MGAT5: variants seen among roughly 807,000 people sequenced by gnomAD.
MGAT5 encodes the protein alpha-1,6-mannosylglycoprotein 6-beta-N-acetylglucosaminyltransferase A.
A neutral mutation model predicts 94.3 loss-of-function variants in MGAT5; 30 were observed. The ratio of observed to expected loss-of-function variants is 0.32; its 90% CI spans 0.24 to 0.43. MGAT5 has a LOEUF of 0.43. Ranked by LOEUF, MGAT5 falls within the 20% of genes least tolerant of loss-of-function variation. The pLI is 1.00. For missense variants in MGAT5, 691 were observed against 905.5 expected, an observed-to-expected ratio of 0.76 and a Z score of 3.04; for synonymous variants, 310 against 322.9, an observed-to-expected ratio of 0.96 and a Z score of 0.43.
intron 14 of MGAT5, among the ~76,000 whole-genome samples, chr2:134,439,784 C>T (rs535409177): frequency 6.6e-6 from 1 of 152,288 alleles, no homozygotes; most frequent in South Asian, 2.1e-4. Context: ...TCTGGGCCAG[C>T]CCCTCTTCTG....
chr2:134,157,850 A>G (rs1687547726), intron 1 of MGAT5, among the ~76,000 whole-genome samples: 1 of 152,116 alleles, frequency 6.6e-6, no homozygotes, highest in South Asian at 2.1e-4. Flanking sequence ...GAGGGTGAGC[A>G]AGGCAGAGAG....
chr2:134,360,947 A>G (rs1680050644), intron 9 of MGAT5, among the ~76,000 whole-genome samples: 1 of 152,222 alleles, frequency 6.6e-6, no homozygotes, highest in African/African-American at 2.4e-5. Context: ...ACGGAGGGTG[A>G]CAACACAGTT....
At chr2:134,309,154 C>T (rs1048139676) in intron 2 of MGAT5, among the ~76,000 whole-genome samples, 1 of 152,202 alleles carries the variant, frequency 6.6e-6, no homozygotes, top group African/African-American at 2.4e-5. Flanking sequence ...TGGATTAGCA[C>T]CTCATTCCTT....
intron 10 of MGAT5, among the ~76,000 whole-genome samples, chr2:134,381,400 A>AG (rs1681585367): frequency 2.5e-5 from 2 of 79,350 alleles, no homozygotes; most frequent in African/African-American, 4.7e-5. Flanking sequence ...ATAGATAGAT[A>AG]GATAGATAGA....
intron 1 of MGAT5, among the ~76,000 whole-genome samples, chr2:134,260,496 T>C (rs532983579): frequency 1.6e-4 from 24 of 152,296 alleles, no homozygotes; most frequent in African/African-American, 5.5e-4. Context: ...CCAGATAACG[T>C]TCTGAGATTC....
At chr2:134,332,028 A>G in intron 4 of MGAT5, among the ~76,000 whole-genome samples, 1 of 151,958 alleles carries the variant, frequency 6.6e-6, no homozygotes, top group Non-Finnish European at 1.5e-5. Context: ...TAATTTATAG[A>G]TTCAATGCCA....
chr2:134,312,412 G>C (rs1686730240), intron 2 of MGAT5, among the ~76,000 whole-genome samples: 1 of 152,152 alleles, frequency 6.6e-6, no homozygotes, highest in Admixed American at 6.5e-5. Context: ...TTCCTCAGCT[G>C]TGTGGCATGT....
chr2:134,374,678 C>T (rs551403460), intron 10 of MGAT5, among the ~76,000 whole-genome samples: 184 of 152,280 alleles, frequency 1.2e-3, no homozygotes, highest in African/African-American at 3.5e-3. Context: ...CAGTACTGAA[C>T]GAGTCCATCT....
At chr2:134,428,127 T>G (rs539209797) in intron 13 of MGAT5, among the ~76,000 whole-genome samples, 23 of 152,086 alleles carry the variant, frequency 1.5e-4, no homozygotes, top group Admixed American at 1.0e-3. Context: ...AAGAGGTGAG[T>G]TTTTCTTATC....
At chr2:134,224,770 C>A (rs990326984) in intron 1 of MGAT5, among the ~76,000 whole-genome samples, 1 of 152,046 alleles carries the variant, frequency 6.6e-6, no homozygotes, top group Non-Finnish European at 1.5e-5. Context: ...ACAAAGATCA[C>A]TGGGTGCCTT....
chr2:134,329,372 A>G (rs1687820392), intron 4 of MGAT5, among the ~76,000 whole-genome samples: 1 of 152,112 alleles, frequency 6.6e-6, no homozygotes, highest in South Asian at 2.1e-4. Flanking sequence ...CTCTTGCTAC[A>G]TAGAACAAAT....
At chr2:134,269,377 T>C (rs1347204641) in intron 1 of MGAT5, among the ~76,000 whole-genome samples, 2 of 152,204 alleles carry the variant, frequency 1.3e-5, no homozygotes, top group Non-Finnish European at 2.9e-5. Flanking sequence ...AGATGGCACC[T>C]TCCCGTTTGT....
rs572467320 is a variant in MGAT5 at position 134,120,596 on chromosome 2, T to C, written c.-143+305T>C. Among the ~76,000 whole-genome samples, 269 of 151,628 alleles carry C rather than the reference T, an allele frequency of 1.8e-3. 1 individual carries two copies. Among genetic ancestry groups the C allele is most frequent in the African/African-American group, 6.0e-3 (247 of 41,428 alleles). ...CCCCCCGCCCCGTGACGAGGGGGCT[T>C]GTTGGCATTCCTAGGGACAGTCCAA... On this transcript the variant is annotated intron_variant, in intron 1 of 16. Transcript: ENST00000409645.
chr2:134,411,055 C>G (rs1029100941), intron 11 of MGAT5, among the ~76,000 whole-genome samples: 2 of 152,186 alleles, frequency 1.3e-5, no homozygotes, highest in East Asian at 3.8e-4. Context: ...TCTTCATATT[C>G]CATAAAGCTG....
chr2:134,153,281 A>C (rs1274422749), intron 1 of MGAT5, among the ~76,000 whole-genome samples: 3 of 152,230 alleles, frequency 2.0e-5, no homozygotes, highest in African/African-American at 7.2e-5. Context: ...GAGCACTGTG[A>C]CATGGGAATA....
Position 134,402,998 on chromosome 2 carries a change from T to C in MGAT5, c.1391T>C (p.Ile464Thr), listed in dbSNP as rs370627277. Reference protein sequence around the residue: ...KVDSFWKNKKIYLDIIHTYME... With the variant: ...KVDSFWKNKKTYLDIIHTYME... ...TGTTTTCTTCTTTAGAATAAGAAGA[T>C]CTACTTGGACATTATTCACACATAC... The change falls in exon 11 of 16, where the codon ATC becomes ACC. Residue 464 changes from isoleucine to threonine, a missense_variant. Transcript: ENST00000281923. 6.3e-7 allele frequency: 1 copy of C among 1,590,016 alleles called. No homozygotes were observed. The highest frequency in any genetic ancestry group is 8.5e-7 in the Non-Finnish European group (1 of 1,172,622).
At chr2:134,335,582 T>C (rs10928490) in intron 4 of MGAT5, among the ~76,000 whole-genome samples, 94,567 of 151,730 alleles carry the variant, frequency 0.62, 30,848 homozygotes, top group Admixed American at 0.72. Flanking sequence ...ATCTTCCAGA[T>C]TGGCTCTCAC....
chr2:134,278,054 A>G (rs1257858125), intron 2 of MGAT5, among the ~76,000 whole-genome samples: 1 of 152,204 alleles, frequency 6.6e-6, no homozygotes, highest in Non-Finnish European at 1.5e-5. Flanking sequence ...AGGTTCAGAC[A>G]TGGGAGCCAT....
intron 1 of MGAT5, among the ~76,000 whole-genome samples, chr2:134,239,785 A>AAAAAGGAGT (rs1213190670): frequency 6.6e-6 from 1 of 152,130 alleles, no homozygotes; most frequent in Non-Finnish European, 1.5e-5. Flanking sequence ...GATATGTTCC[A>AAAAAGGAGT]AAAAGGAGTA....
Sources: allele counts gnomAD v4.1 joint callset (sites outside exome capture counted in the v4.1 genomes callset), GRCh38; gene constraint gnomAD v4.1.1; transcripts MANE v1.5; gene names NCBI Gene and HGNC (gene_info 2026-07-23, HGNC 2026-07-21).